The following MAPT variants were observed in gnomAD, a reference collection of about 807,000 sequenced individuals.
MAPT encodes the protein microtubule-associated protein tau.
A neutral mutation model predicts 67.9 loss-of-function variants in MAPT; 34 were observed. The ratio of observed to expected loss-of-function variants is 0.50; its 90% CI spans 0.38 to 0.67. MAPT has a LOEUF of 0.67. MAPT is among the 30% of genes least tolerant of loss of function. The pLI is 0.00. For missense variants in MAPT, 881 were observed against 1,115.2 expected, an observed-to-expected ratio of 0.79 and a Z score of 2.99; for synonymous variants, 456 against 464.5, an observed-to-expected ratio of 0.98 and a Z score of 0.23.
intron 1 of MAPT, among the ~76,000 whole-genome samples, chr17:45,925,684 A>G (rs1317951949): frequency 6.6e-6 from 1 of 152,198 alleles, no homozygotes; most frequent in Non-Finnish European, 1.5e-5. Context: ...TTAAAATGTC[A>G]TGGGAAAACA....
At chr17:46,016,868 A>G (rs2076216989) in intron 11 of MAPT, among the ~76,000 whole-genome samples, 1 of 152,230 alleles carries the variant, frequency 6.6e-6, no homozygotes. Flanking sequence ...AGTAGCCACT[A>G]GCTACATGTG....
At chr17:45,966,639 T>G (rs2071112660) in intron 2 of MAPT, among the ~76,000 whole-genome samples, 1 of 152,202 alleles carries the variant, frequency 6.6e-6, no homozygotes, top group Non-Finnish European at 1.5e-5. Context: ...TTTACCACTC[T>G]TATTTTCTGA....
intron 12 of MAPT, among the ~76,000 whole-genome samples, chr17:46,019,883 G>T (rs67676322): frequency 6.6e-6 from 1 of 151,338 alleles, no homozygotes; most frequent in Non-Finnish European, 1.5e-5. Flanking sequence ...GTGGTGGTGC[G>T]TGCCTGTAAT....
chr17:45,999,541 G>A lies in MAPT; in HGVS notation c.1998+2877G>A, dbSNP rs753456930. On this transcript the variant is annotated intron_variant, in intron 9 of 12. Coordinates refer to ENST00000262410, the MANE Select transcript of MAPT (RefSeq NM_001377265.1). ...CTCTGAAGAGAGCAGCAGGAATGGG[G>A]CTGAGCAGGGAAGACAACTTTCCAT... 3.1e-6 allele frequency: 5 copies of A among 1,613,386 alleles called. No homozygotes were observed. The South Asian group carries it at 3.3e-5, about 11-fold the overall frequency.
intron 1 of MAPT, among the ~76,000 whole-genome samples, chr17:45,958,780 A>G (rs1295296281): frequency 1.3e-5 from 2 of 151,794 alleles, no homozygotes; most frequent in African/African-American, 4.8e-5. Flanking sequence ...TTAAAACATC[A>G]GGCCAGGCGC....
chr17:45,910,555 AC>A (rs2064700263), intron 1 of MAPT, among the ~76,000 whole-genome samples: 1 of 151,846 alleles, frequency 6.6e-6, no homozygotes. Context: ...TCCCCCAAAG[AC>A]AAAAAAAAAG....
intron 5 of MAPT, chr17:45,985,731 A>C (rs1288480577): frequency 2.0e-6 from 2 of 985,348 alleles, no homozygotes; most frequent in African/African-American, 3.5e-5. Flanking sequence ...TGATGTGGGC[A>C]AAACAAAGAA....
At chr17:45,985,579 C>A in intron 5 of MAPT, 1 of 507,828 alleles carries the variant, frequency 2.0e-6, no homozygotes, top group Non-Finnish European at 2.5e-6. Flanking sequence ...CTTTAATGTA[C>A]TAATGGCCAT....
At chr17:45,962,503 T>C (rs1329730390) in intron 2 of MAPT, 33 bp downstream of exon 2, 1 of 1,611,396 alleles carries the variant, frequency 6.2e-7, no homozygotes, top group East Asian at 2.2e-5. Context: ...CAGGCCCAGA[T>C]CACTGCAAGC....
chr17:45,926,593 A>C lies in MAPT; in HGVS notation c.-18+31907A>C, dbSNP rs1358300722. On this transcript the variant is annotated intron_variant, in intron 1 of 12. Coordinates refer to ENST00000262410, the MANE Select transcript of MAPT (RefSeq NM_001377265.1). ...CTCCCGAAGTGCTGGGGTTACCAGC[A>C]TGAGCCACTGTACCCAGCCCTCAAA... Among the ~76,000 whole-genome samples, 4 of 152,210 alleles carry C rather than the reference A, an allele frequency of 2.6e-5. No homozygotes were observed. The South Asian group carries it at 6.2e-4, about 24-fold the overall frequency.
intron 1 of MAPT, among the ~76,000 whole-genome samples, chr17:45,904,313 A>G (rs2064094288): frequency 1.8e-5 from 1 of 55,028 alleles, no homozygotes; most frequent in Admixed American, 3.1e-4. Flanking sequence ...ATATATAAAA[A>G]CATATATAAT....
Position 45,962,229 on chromosome 17 carries a change from C to T in MAPT, c.-17-92C>T, listed in dbSNP as rs1294315638. 3 of 1,074,738 alleles carry T rather than the reference C, an allele frequency of 2.8e-6. No individual in the cohort carries two copies. In the African/African-American group the frequency reaches 4.7e-5, roughly 17 times the overall value. 66.6% of individuals were successfully genotyped at this position (1,074,738 alleles called of 1,614,324 possible). A position where few individuals can be genotyped will look rare whatever the true frequency, so the allele number is the denominator to read the frequency against. On this transcript the variant is annotated intron_variant, in intron 1 of 12. Transcript: ENST00000262410. ...AGCAGGGAGGCTGAGATCTGCCTGC[C>T]ATGAACTGGGAGGAGAGGCTCCTCT...
At chr17:45,920,531 C>T (rs906019819) in intron 1 of MAPT, among the ~76,000 whole-genome samples, 4 of 152,202 alleles carry the variant, frequency 2.6e-5, no homozygotes, top group African/African-American at 9.6e-5. Flanking sequence ...AAGGGGTCTC[C>T]TCTGCTGAGC....
At chr17:45,989,181 G>A (rs1257251786) in intron 6 of MAPT, among the ~76,000 whole-genome samples, 1 of 152,052 alleles carries the variant, frequency 6.6e-6, no homozygotes, top group African/African-American at 2.4e-5. Context: ...TGACACACTT[G>A]GGGACATTTT....
chr17:45,981,326 T>C (rs2072925920), intron 4 of MAPT, among the ~76,000 whole-genome samples: 1 of 147,262 alleles, frequency 6.8e-6, no homozygotes, highest in African/African-American at 2.4e-5. Context: ...ACATAAAGGG[T>C]ATTTATTAGG....
chr17:45,974,136 A>G, intron 3 of MAPT: 1 of 562,766 alleles, frequency 1.8e-6, no homozygotes, highest in South Asian at 2.0e-5. Flanking sequence ...GCGTTTACAC[A>G]GGGCTGCCGG....
intron 1 of MAPT, among the ~76,000 whole-genome samples, chr17:45,923,584 C>T (rs183362230): frequency 2.0e-5 from 3 of 152,380 alleles, no homozygotes; most frequent in Admixed American, 2.0e-4. Context: ...CCTCATTGCA[C>T]ATCATGCAGC....
At chr17:45,944,241 C>T (rs1483030111) in intron 1 of MAPT, among the ~76,000 whole-genome samples, 3 of 152,216 alleles carry the variant, frequency 2.0e-5, no homozygotes, top group Non-Finnish European at 4.4e-5. Context: ...GGCCCAGCCT[C>T]AACAGCTAGC....
chr17:46,020,326 G>A (rs1232741866), intron 12 of MAPT, among the ~76,000 whole-genome samples: 1 of 152,062 alleles, frequency 6.6e-6, no homozygotes, highest in African/African-American at 2.4e-5. Context: ...TGTGGCGCTG[G>A]GTGAGCTCTG....
Sources: allele counts gnomAD v4.1 joint callset (sites outside exome capture counted in the v4.1 genomes callset), GRCh38; gene constraint gnomAD v4.1.1; transcripts MANE v1.5; gene names NCBI Gene and HGNC (gene_info 2026-07-23, HGNC 2026-07-21).